The following FLI1 variants were observed in gnomAD, a reference collection of about 807,000 sequenced individuals.
The protein encoded by FLI1 is Fli-1 proto-oncogene, ETS transcription factor, also known as Friend leukemia integration 1 transcription factor.
Under a neutral mutation model 53.1 loss-of-function variants are expected in FLI1, and 13 were observed. The ratio of observed to expected loss-of-function variants is 0.24; its 90% CI spans 0.16 to 0.39. The LOEUF is 0.39. Among genes scored for constraint, FLI1 ranks in the 10% least tolerant of loss-of-function variants. The pLI is 1.00. For synonymous variants in FLI1, 244 were observed against 236.7 expected, an observed-to-expected ratio of 1.03 and a Z score of -0.28; for missense variants, 424 against 600.5, an observed-to-expected ratio of 0.71 and a Z score of 3.07.
At chr11:128,763,184 A>G (rs1245088400) in intron 2 of FLI1, among the ~76,000 whole-genome samples, 1 of 152,154 alleles carries the variant, frequency 6.6e-6, no homozygotes, top group African/African-American at 2.4e-5. Context: ...TACCATGCCC[A>G]CTTGCTTTTC....
chr11:128,806,252 A>T (rs1196188324), intron 6 of FLI1: 1 of 152,206 alleles, frequency 6.6e-6, no homozygotes, highest in Non-Finnish European at 1.5e-5. Flanking sequence ...GATGAATCAG[A>T]CATGCACTGG....
chr11:128,705,749 G>A (rs1295937058), intron 1 of FLI1, among the ~76,000 whole-genome samples: 2 of 152,140 alleles, frequency 1.3e-5, no homozygotes, highest in African/African-American at 4.8e-5. Flanking sequence ...CCTGTGGACT[G>A]GCCCAGCTTC....
At chr11:128,713,092 G>A (rs1353441794) in intron 1 of FLI1, among the ~76,000 whole-genome samples, 2 of 152,158 alleles carry the variant, frequency 1.3e-5, no homozygotes, top group Admixed American at 1.3e-4. Flanking sequence ...ATAAATTTGT[G>A]AGGTGAACTG....
chr11:128,699,236 T>C (rs533124074), intron 1 of FLI1, among the ~76,000 whole-genome samples: 1 of 152,328 alleles, frequency 6.6e-6, no homozygotes, highest in African/African-American at 2.4e-5. Context: ...GGCATTTGTT[T>C]AAAAAACAGT....
At chr11:128,772,311 G>A (rs1389910582) in intron 3 of FLI1, among the ~76,000 whole-genome samples, 6 of 152,288 alleles carry the variant, frequency 3.9e-5, no homozygotes, top group African/African-American at 1.4e-4. Context: ...GACTAACACC[G>A]CTGGGTTTTT....
At chr11:128,716,647 G>A (rs1183609751) in intron 1 of FLI1, among the ~76,000 whole-genome samples, 1 of 152,154 alleles carries the variant, frequency 6.6e-6, no homozygotes, top group Admixed American at 6.5e-5. Context: ...CCGCTGCTCT[G>A]CTCCTGATGG....
At chr11:128,797,829 T>C (rs1039037278) in intron 5 of FLI1, among the ~76,000 whole-genome samples, 10 of 152,064 alleles carry the variant, frequency 6.6e-5, no homozygotes, top group African/African-American at 2.4e-4. Context: ...CTAAAGATGA[T>C]CACCTAGCGA....
intron 7 of FLI1, 62 bp downstream of exon 7, chr11:128,807,301 T>A: frequency 4.2e-6 from 5 of 1,180,922 alleles, no homozygotes; most frequent in Non-Finnish European, 6.1e-6. Flanking sequence ...TTTCACATGG[T>A]CAACTGATGG....
At chr11:128,790,703 T>C (rs1942245506) in intron 5 of FLI1, among the ~76,000 whole-genome samples, 1 of 152,210 alleles carries the variant, frequency 6.6e-6, no homozygotes, top group Admixed American at 6.5e-5. Context: ...AGACTGAGTA[T>C]CAGTCCACTG....
upstream of FLI1, among the ~76,000 whole-genome samples, chr11:128,689,820 C>G (rs970606299): frequency 6.6e-6 from 1 of 152,218 alleles, no homozygotes; most frequent in Non-Finnish European, 1.5e-5. Flanking sequence ...GCCGCGTGGT[C>G]TGGGGGCTCG....
Position 128,810,356 on chromosome 11 carries a change from G to C in FLI1, c.830-103G>C, listed in dbSNP as rs570753562. 2.4e-5 allele frequency: 28 copies of C among 1,170,898 alleles called. No homozygotes were observed. Among genetic ancestry groups the C allele is most frequent in the Admixed American group, 5.6e-5 (2 of 35,558 alleles). The allele number at this position is 1,170,898 out of a possible 1,614,324, so 72.5% of individuals were successfully genotyped here. A position where few individuals can be genotyped will look rare whatever the true frequency, so the allele number is the denominator to read the frequency against. On this transcript the variant is annotated intron_variant, in intron 8 of 8. Transcript: ENST00000527786. The surrounding 1 kb of genome is among the most constrained non-coding windows in gnomAD (Gnocchi z 6.6). ...ATCCCAATGTCGAAGGAAACAAAAG[G>C]TTTCTTTAAAAGGATGAGAAGCTCC... is the stretch of plus-strand genomic sequence containing the variant.
At chr11:128,757,639 C>A (rs1197951040) in intron 1 of FLI1, among the ~76,000 whole-genome samples, 1 of 152,232 alleles carries the variant, frequency 6.6e-6, no homozygotes, top group Non-Finnish European at 1.5e-5. Flanking sequence ...CACCTAGCCT[C>A]TCTGGGTGGA....
At chr11:128,784,413 C>A (rs1482915734) in intron 5 of FLI1, among the ~76,000 whole-genome samples, 1 of 152,294 alleles carries the variant, frequency 6.6e-6, no homozygotes, top group East Asian at 1.9e-4. Context: ...TGGGTAGCAA[C>A]CCCTCTTCTG....
At chr11:128,794,518 C>T (rs557469567) in intron 5 of FLI1, among the ~76,000 whole-genome samples, 22 of 152,316 alleles carry the variant, frequency 1.4e-4, no homozygotes, top group Non-Finnish European at 2.4e-4. Flanking sequence ...GATCTATGAG[C>T]TTAGGGCATC....
intron 1 of FLI1, among the ~76,000 whole-genome samples, chr11:128,738,432 C>G (rs1939996155): frequency 6.6e-6 from 1 of 152,250 alleles, no homozygotes; most frequent in Non-Finnish European, 1.5e-5. Flanking sequence ...CTGACTTCAT[C>G]CACTACCGCC....
chr11:128,782,929 C>T (rs1941965813), intron 5 of FLI1, among the ~76,000 whole-genome samples: 1 of 152,064 alleles, frequency 6.6e-6, no homozygotes, highest in Non-Finnish European at 1.5e-5. Flanking sequence ...TTCATAGTAC[C>T]TGGTTTAAAG....
chr11:128,807,157 CA>C, intron 6 of FLI1, 22 bp from the exon 7 acceptor site: 1 of 1,571,334 alleles, frequency 6.4e-7, no homozygotes, highest in Non-Finnish European at 8.6e-7. Flanking sequence ...CTACTCACTG[CA>C]TTTCTTTCCC....
intron 1 of FLI1, among the ~76,000 whole-genome samples, chr11:128,752,591 A>G (rs530058814): frequency 6.6e-6 from 1 of 152,340 alleles, no homozygotes; most frequent in African/African-American, 2.4e-5. Context: ...ACCTGTGAAG[A>G]GTAGTGGTTA....
intron 5 of FLI1, among the ~76,000 whole-genome samples, chr11:128,798,277 C>T (rs1467665606): frequency 6.6e-6 from 1 of 152,156 alleles, no homozygotes; most frequent in Non-Finnish European, 1.5e-5. Flanking sequence ...CCACATGAGG[C>T]TGGCTCAAAA....
Sources: gnomAD v4.1 joint callset for allele counts (sites outside exome capture counted in the v4.1 genomes callset) on GRCh38, gnomAD v4.1.1 for gene constraint, Gnocchi (gnomAD v3.1) non-coding constraint, MANE v1.5 for transcripts, NCBI Gene and HGNC (gene_info 2026-07-23, HGNC 2026-07-21) for gene names.